The following ABR variants were observed in gnomAD, a reference collection of about 807,000 sequenced individuals.
ABR encodes active breakpoint cluster region-related protein.
ABR carries 35 observed loss-of-function variants against 107.2 expected under a neutral mutation model. The observed-to-expected ratio is 0.33, with a 90% CI of 0.25 to 0.43. The LOEUF (loss-of-function observed/expected upper bound fraction) is 0.43, where lower values mean the gene tolerates loss of function less well. Among genes scored for constraint, ABR ranks in the 20% least tolerant of loss-of-function variants. The pLI is 1.00. For missense variants in ABR, 815 were observed against 1,115.2 expected, an observed-to-expected ratio of 0.73 and a Z score of 3.83; for synonymous variants, 498 against 462.0, an observed-to-expected ratio of 1.08 and a Z score of -1.00.
intron 2 of ABR, among the ~76,000 whole-genome samples, chr17:1,117,903 T>TC (rs2039105805): frequency 2.7e-5 from 2 of 74,718 alleles, no homozygotes; most frequent in South Asian, 4.7e-4. Context: ...CCTGAGTTCC[T>TC]CCCAGCGTTA....
intron 16 of ABR, among the ~76,000 whole-genome samples, chr17:1,015,762 T>C (rs567344989): frequency 2.0e-5 from 3 of 152,142 alleles, no homozygotes; most frequent in Non-Finnish European, 4.4e-5. Context: ...CTGGCCTCAT[T>C]ATACATTTTA....
At chr17:1,224,069 G>A (rs576849343) in intron 1 of ABR, among the ~76,000 whole-genome samples, 3 of 152,238 alleles carry the variant, frequency 2.0e-5, no homozygotes, top group East Asian at 1.9e-4. Context: ...GGTTAGCGAC[G>A]TTTATTATTC....
Position 1,016,688 on chromosome 17 carries a change from C to A in ABR, c.1792-3524G>T, listed in dbSNP as rs189019807. Among the ~76,000 whole-genome samples the A allele has an allele frequency of 4.5e-4, 69 of 152,208 alleles. 3 individuals carry two copies. Among genetic ancestry groups the A allele is most frequent in the African/African-American group, 1.6e-3 (68 of 41,456 alleles). ...CTGCGCACCCCGGGCCAAGCCCCGA[C>A]AGCCAGCCTCAGGCCTCTCCTCTGC... On this transcript the variant is annotated intron_variant, in intron 16 of 22. Coordinates refer to ENST00000302538, the MANE Select transcript of ABR (RefSeq NM_021962.5).
upstream of ABR, among the ~76,000 whole-genome samples, chr17:1,181,136 G>A (rs553675449): frequency 2.6e-5 from 4 of 152,282 alleles, no homozygotes; most frequent in African/African-American, 4.8e-5. Flanking sequence ...GGCCTTTGCC[G>A]GGGGCAGTGT....
chr17:1,049,054 G>A (rs2032111619), intron 16 of ABR, among the ~76,000 whole-genome samples: 1 of 152,164 alleles, frequency 6.6e-6, no homozygotes, highest in African/African-American at 2.4e-5. Flanking sequence ...TTAATAGGTT[G>A]GTGAATAGCA....
intron 16 of ABR, among the ~76,000 whole-genome samples, chr17:1,036,021 C>A (rs2073158233): frequency 6.6e-6 from 1 of 151,964 alleles, no homozygotes; most frequent in South Asian, 2.1e-4. Context: ...GGGGTGGGGA[C>A]GGCTTCCAGG....
At chr17:1,184,562 C>T (rs1393325872), upstream of ABR, among the ~76,000 whole-genome samples, 3 of 152,208 alleles carry the variant, frequency 2.0e-5, no homozygotes, top group Non-Finnish European at 4.4e-5. Context: ...CAGCTATGAC[C>T]ACATGGTGCC....
intron 1 of ABR, among the ~76,000 whole-genome samples, chr17:1,195,575 C>A (rs1411082566): frequency 6.6e-6 from 1 of 150,578 alleles, no homozygotes; most frequent in African/African-American, 2.4e-5. Flanking sequence ...GAGGCCGAGG[C>A]GGGTGGATCA....
chr17:1,193,768 G>A (rs2042487640), intron 1 of ABR, among the ~76,000 whole-genome samples: 1 of 152,234 alleles, frequency 6.6e-6, no homozygotes, highest in African/African-American at 2.4e-5. Context: ...TCGGCTCACT[G>A]CATCCTCCGC....
In ABR at chr17:1,152,216, G is replaced by A. The variant is rs1326869977; in HGVS notation, c.62-26849C>T. 6.6e-5 allele frequency among the ~76,000 whole-genome samples: 10 copies of A among 151,946 alleles called. No homozygotes were observed. The East Asian group carries it at 1.4e-3, about 21-fold the overall frequency. Reference sequence around the variant, plus strand: ...GAGGCAGGAGAATGGCGTGAACCTAGAGCTTGCAGTGAGCCGAGATCGCGC... The same window carrying A: ...GAGGCAGGAGAATGGCGTGAACCTAAAGCTTGCAGTGAGCCGAGATCGCGC... On this transcript the variant is annotated intron_variant, in intron 1 of 22. Transcript: ENST00000302538.
chr17:1,171,365 A>G (rs1189195859), intron 1 of ABR, among the ~76,000 whole-genome samples: 1 of 152,114 alleles, frequency 6.6e-6, no homozygotes, highest in Non-Finnish European at 1.5e-5. Flanking sequence ...TCCTTCCCCA[A>G]CAGCCCCGAG....
chr17:1,065,516 C>T (rs1333496037), intron 10 of ABR, among the ~76,000 whole-genome samples: 12 of 143,936 alleles, frequency 8.3e-5, no homozygotes, highest in African/African-American at 3.0e-4. Flanking sequence ...ATGCATGTTC[C>T]TCTAGACGCT....
intron 1 of ABR, 71 bp from the exon 2 acceptor site, chr17:1,125,438 G>A: frequency 1.9e-6 from 3 of 1,568,330 alleles, no homozygotes; most frequent in Non-Finnish European, 2.6e-6. Context: ...AGCGTAGTGG[G>A]CGCCGGCGGC....
chr17:1,072,734 A>C lies in ABR; in HGVS notation c.774T>G (p.Pro258=). 6.2e-7 allele frequency: 1 copy of C among 1,613,440 alleles called. No individual in the cohort carries two copies. The highest frequency in any genetic ancestry group is 8.5e-7 in the Non-Finnish European group (1 of 1,179,804). The change falls in exon 8 of 23, where the codon CCT becomes CCG. Residue 258 remains proline (P), a synonymous_variant. Coordinates refer to ENST00000302538, the MANE Select transcript of ABR (RefSeq NM_021962.5). The part of the protein sequence containing the change: ...LVLHDLLKHT[P]VDHPDYPLLQ... ...GCAGCGGGTAGTCGGGGTGGTCCAC[A>C]GGTGTGTGCTTCAGCAGGTCCTGGG...
chr17:1,006,134 G>T lies in ABR; in HGVS notation c.2526C>A (p.Pro842=), dbSNP rs780437158. ...TCCGCTTGAGTTCTGCGAAGGAAAT[G>T]GGGGGGTGCTGCAGGTAGTAGAGGA... ...QVLLYYLQHP[P]ISFAELKRNT... is the part of the protein sequence containing the mutation. Residue 842 remains proline, a synonymous_variant, in exon 23 of 23, where the codon CCC becomes CCA. Transcript: ENST00000302538. 2.6e-5 allele frequency: 42 copies of T among 1,586,298 alleles called. No homozygotes were observed. Among genetic ancestry groups the T allele is most frequent in the Admixed American group, 1.8e-4 (10 of 55,848 alleles).
chr17:1,144,253 G>A (rs1429905376), intron 1 of ABR, among the ~76,000 whole-genome samples: 1 of 152,126 alleles, frequency 6.6e-6, no homozygotes, highest in African/African-American at 2.4e-5. Context: ...TACGACGAAA[G>A]CTGACGGCAT....
At chr17:1,043,873 C>A (rs2031092001) in intron 16 of ABR, among the ~76,000 whole-genome samples, 1 of 152,194 alleles carries the variant, frequency 6.6e-6, no homozygotes, top group South Asian at 2.1e-4. Context: ...CTGTCCCCAG[C>A]CTGCGGTGAG....
At chr17:1,219,531 C>T (rs529997674) in intron 1 of ABR, among the ~76,000 whole-genome samples, 1 of 147,322 alleles carries the variant, frequency 6.8e-6, no homozygotes, top group East Asian at 2.1e-4. Flanking sequence ...TTTTTCTTGC[C>T]ATGGCTGGTT....
chr17:1,042,051 C>T (rs913124497), intron 16 of ABR, among the ~76,000 whole-genome samples: 7 of 152,186 alleles, frequency 4.6e-5, no homozygotes, highest in African/African-American at 1.7e-4. Flanking sequence ...AGGTGGGGGA[C>T]AGAGCTTGGG....
Sources: allele counts gnomAD v4.1 joint callset (sites outside exome capture counted in the v4.1 genomes callset), GRCh38; gene constraint gnomAD v4.1.1; transcripts MANE v1.5; gene names NCBI Gene and HGNC (gene_info 2026-07-23, HGNC 2026-07-21).